The following PHF13 variants were observed in gnomAD, a reference collection of about 807,000 sequenced individuals.
PHF13 encodes PHD finger protein 13.
PHF13 carries 1 observed loss-of-function variant against 25.8 expected under a neutral mutation model. That is an observed-to-expected ratio of 0.04 (90% CI 0.01 to 0.18). The LOEUF (loss-of-function observed/expected upper bound fraction) is 0.18, where lower values mean the gene tolerates loss of function less well. Among genes scored for constraint, PHF13 ranks in the 10% least tolerant of loss-of-function variants. The pLI, the probability that PHF13 is intolerant of heterozygous loss-of-function variation, is 1.00. For synonymous variants in PHF13, 195 were observed against 162.4 expected, an observed-to-expected ratio of 1.20 and a Z score of -1.53; for missense variants, 306 against 403.2, an observed-to-expected ratio of 0.76 and a Z score of 2.06.
chr1:6,623,557 C>T lies in PHF13; in HGVS notation c.*1920C>T, dbSNP rs1056743006. ...AAGGTGCATTTAAGAATCCATGTGACTTTAGAATGGAACTGCCGGCCCTGG... is the reference window on the plus strand; with the variant it reads ...AAGGTGCATTTAAGAATCCATGTGATTTTAGAATGGAACTGCCGGCCCTGG... On this transcript the variant is annotated 3_prime_UTR_variant, in exon 4 of 4. Coordinates refer to ENST00000377648, the MANE Select transcript of PHF13 (RefSeq NM_153812.3). 9 of 152,542 alleles carry T rather than the reference C, an allele frequency of 5.9e-5. No homozygotes were observed. The highest frequency in any genetic ancestry group is 8.8e-5 in the Non-Finnish European group (6 of 68,042). 9.4% of individuals were successfully genotyped at this position (152,542 alleles called of 1,614,324 possible).
intron 1 of PHF13, 31 bp downstream of exon 1, chr1:6,614,136 C>T (rs1489602775): frequency 1.9e-6 from 3 of 1,592,908 alleles, no homozygotes; most frequent in East Asian, 2.4e-5. Context: ...GAATCGCCCC[C>T]GACCACCCCC....
intron 1 of PHF13, 65 bp downstream of exon 1, chr1:6,614,170 C>T (rs1641215941): frequency 6.6e-7 from 1 of 1,518,490 alleles, no homozygotes; most frequent in South Asian, 1.2e-5. Flanking sequence ...CGTCCTCAGG[C>T]AGCCAGACCC....
At chr1:6,617,975 C>G (rs1254251183) in intron 2 of PHF13, among the ~76,000 whole-genome samples, 1 of 152,120 alleles carries the variant, frequency 6.6e-6, no homozygotes, top group Non-Finnish European at 1.5e-5. Flanking sequence ...CCCTGGCTGC[C>G]CGAAATGCGT....
At chr1:6,616,704 T>G in intron 1 of PHF13, 53 bp from the exon 2 acceptor site, 1 of 1,478,824 alleles carries the variant, frequency 6.8e-7, no homozygotes, top group South Asian at 1.1e-5. Flanking sequence ...TTTCTGTGAT[T>G]CCGCCTGGAA....
rs2148711285 is a variant in PHF13, at chr1:6,622,420, C to A, written c.*783C>A. 6.5e-6 allele frequency: 1 copy of A among 152,810 alleles called. No individual in the cohort carries two copies. Among genetic ancestry groups the A allele is most frequent in the Middle Eastern group, 3.4e-3 (1 of 294 alleles). The allele number at this position is 152,810 out of a possible 1,614,324, so 9.5% of individuals were successfully genotyped here. The stretch of plus-strand genomic sequence containing the variant: ...GTATTGGCTGATTTCTTGCTGAGTG[C>A]CCTCTTAGTTGGTGTGTGAGGTCTT... On this transcript the variant is annotated 3_prime_UTR_variant, in exon 4 of 4. Coordinates refer to ENST00000377648, the MANE Select transcript of PHF13 (RefSeq NM_153812.3).
Position 6,616,758 on chromosome 1 carries a change from A to G in PHF13, c.41A>G (p.Glu14Gly). ...DSCAAAFHPE[E>G]YSPSCKRRRT... Reference sequence around the variant, plus strand: ...TTCCCTTTTCTCTCCCCTTAATAGGAATACTCCCCCAGTTGCAAGAGGCGC... The same window carrying G: ...TTCCCTTTTCTCTCCCCTTAATAGGGATACTCCCCCAGTTGCAAGAGGCGC... Residue 14 changes from glutamate (E) to glycine (G), a missense_variant and splice_region_variant, in exon 2 of 4, where the codon GAA becomes GGA. Physicochemically the swap from Glu to Gly is moderately conservative, Grantham distance 98. Transcript: ENST00000377648. The G allele has an allele frequency of 6.2e-7, 1 of 1,613,344 alleles. No individual in the cohort carries two copies. The highest frequency in any genetic ancestry group is 2.2e-5 in the East Asian group (1 of 44,888).
At position 6,621,335 on chromosome 1, in the gene PHF13, G is replaced by A. The variant is rs557600832; in HGVS notation, c.677-76G>A. ...GTGTTCTCGTCAGTAGAGTTAATGGGTTTCATGGAAGCCCAGCTGATGGCG... is the reference window on the plus strand; with the variant it reads ...GTGTTCTCGTCAGTAGAGTTAATGGATTTCATGGAAGCCCAGCTGATGGCG... On this transcript the variant is annotated intron_variant, in intron 3 of 3. Coordinates refer to ENST00000377648, the MANE Select transcript of PHF13 (RefSeq NM_153812.3). The surrounding 1 kb of genome is among the most constrained non-coding windows in gnomAD (Gnocchi z 4.8). 8.5e-5 allele frequency: 126 copies of A among 1,489,246 alleles called. No homozygotes were observed. The East Asian group carries it at 2.0e-3, about 23-fold the overall frequency. The allele number at this position is 1,489,246 out of a possible 1,614,324, so 92.3% of individuals were successfully genotyped here.
chr1:6,618,055 C>A (rs1641286695), intron 2 of PHF13, among the ~76,000 whole-genome samples: 2 of 152,098 alleles, frequency 1.3e-5, no homozygotes, highest in South Asian at 4.2e-4. Flanking sequence ...TTGCTGAGAA[C>A]AGGGCAGGAC....
intron 1 of PHF13, 59 bp from the exon 2 acceptor site, chr1:6,616,698 T>G: frequency 6.9e-7 from 1 of 1,444,430 alleles, no homozygotes. Flanking sequence ...CTTTTGTTTC[T>G]GTGATTCCGC....
At position 6,621,684 on chromosome 1, in the gene PHF13, C is replaced by T. The variant is rs3747994; in HGVS notation, c.*47C>T. ...GCGAGCGTGGAATCGGAAGCGACCGCGGGCTTTTTTGCCCTTCTCTTAGTT... is the reference window on the plus strand; with the variant it reads ...GCGAGCGTGGAATCGGAAGCGACCGTGGGCTTTTTTGCCCTTCTCTTAGTT... On this transcript the variant is annotated 3_prime_UTR_variant, in exon 4 of 4. Transcript: ENST00000377648. This position sits in a 1 kb window ranked among gnomAD's most constrained non-coding sequence, Gnocchi z 4.8. 1,094,157 of 1,584,014 alleles carry T rather than the reference C, an allele frequency of 0.69. 380,645 individuals carry two copies. The highest frequency in any genetic ancestry group is 0.81 in the Middle Eastern group (4,763 of 5,902).
chr1:6,621,025 G>A lies in PHF13; in HGVS notation c.677-386G>A, dbSNP rs1249527636. On this transcript the variant is annotated intron_variant, in intron 3 of 3. Transcript: ENST00000377648. This position sits in a 1 kb window ranked among gnomAD's most constrained non-coding sequence, Gnocchi z 4.8. ...CCAGCCTGGGCGACAGCAAAACTCC[G>A]TCTCAAGAAAAAAAAAAAAAACAAT... Among the ~76,000 whole-genome samples, 1 of 115,724 alleles carries A rather than the reference G, an allele frequency of 8.6e-6. No individual in the cohort carries two copies. The highest frequency in any genetic ancestry group is 1.9e-5 in the Non-Finnish European group (1 of 53,960). The allele number at this position is 115,724 out of a possible 152,430, so 75.9% of individuals were successfully genotyped here. A position where few individuals can be genotyped will look rare whatever the true frequency, so the allele number is the denominator to read the frequency against.
chr1:6,618,366 C>T (rs1641291178), intron 2 of PHF13, among the ~76,000 whole-genome samples: 2 of 152,334 alleles, frequency 1.3e-5, no homozygotes, highest in Admixed American at 1.3e-4. Flanking sequence ...CTCCTGGCCT[C>T]AAGTGACCCA....
At chr1:6,618,108 G>A (rs1299419610) in intron 2 of PHF13, among the ~76,000 whole-genome samples, 4 of 152,080 alleles carry the variant, frequency 2.6e-5, no homozygotes, top group East Asian at 1.9e-4. Flanking sequence ...GGCCTCTTTC[G>A]TATTCGATTA....
rs751868551 is a variant in PHF13, at chr1:6,619,895, G to A, written c.234G>A (p.Ala78=). 8 of 1,613,844 alleles carry A rather than the reference G, an allele frequency of 5.0e-6. No homozygotes were observed. The highest frequency in any genetic ancestry group is 2.2e-5 in the South Asian group (2 of 91,072). The part of the protein sequence containing the change: ...DGWDAGFSDI[A]SSVPLPVSDR... ...GGGACGCGGGTTTCTCAGACATCGC[G>A]TCCTCAGTGCCCTTGCCAGTCTCTG... Residue 78 remains alanine, a synonymous_variant, in exon 3 of 4, where the codon GCG becomes GCA. Transcript: ENST00000377648.
intron 1 of PHF13, among the ~76,000 whole-genome samples, chr1:6,615,113 C>T (rs1641240026): frequency 7.1e-6 from 1 of 141,014 alleles, no homozygotes; most frequent in African/African-American, 2.6e-5. Flanking sequence ...CCGCCATCTG[C>T]TTTCCGAGGA....
intron 1 of PHF13, 21 bp downstream of exon 1, chr1:6,614,126 G>C (rs1270564643): frequency 1.0e-5 from 16 of 1,595,012 alleles, no homozygotes; most frequent in Middle Eastern, 1.7e-4. Flanking sequence ...CTGTGCGTCC[G>C]AATCGCCCCC....
intron 1 of PHF13, 77 bp downstream of exon 1, chr1:6,614,182 C>G: frequency 1.5e-5 from 21 of 1,440,840 alleles, no homozygotes; most frequent in Non-Finnish European, 1.9e-5. Context: ...GCCAGACCCC[C>G]GGTCGCCCGG....
At chr1:6,614,907 T>C (rs992142685) in intron 1 of PHF13, among the ~76,000 whole-genome samples, 2 of 144,230 alleles carry the variant, frequency 1.4e-5, no homozygotes, top group African/African-American at 2.6e-5. Flanking sequence ...CGCGGGCGGG[T>C]GGGGGAGGGG....
At chr1:6,616,683 ACTTC>A (rs1557445079) in intron 1 of PHF13, 70 bp from the exon 2 acceptor site, 8 of 1,270,988 alleles carry the variant, frequency 6.3e-6, no homozygotes, top group East Asian at 4.6e-5. Flanking sequence ...GTTCCAGCTT[ACTTC>A]CTTTTGTTTC....
Sources: allele counts gnomAD v4.1 joint callset (sites outside exome capture counted in the v4.1 genomes callset), GRCh38; gene constraint gnomAD v4.1.1; non-coding constraint Gnocchi (gnomAD v3.1); transcripts MANE v1.5; gene names NCBI Gene and HGNC (gene_info 2026-07-23, HGNC 2026-07-21).